The following CTNNBIP1 variants were observed in gnomAD, a reference collection of about 807,000 sequenced individuals.
CTNNBIP1 encodes catenin beta interacting protein 1, also known as beta-catenin-interacting protein 1.
A neutral mutation model predicts 11.8 loss-of-function variants in CTNNBIP1; 7 were observed. That is an observed-to-expected ratio of 0.60 (90% CI 0.34 to 1.12). The LOEUF (loss-of-function observed/expected upper bound fraction) is 1.12. Among genes scored for constraint, CTNNBIP1 ranks in the 50% most tolerant of loss-of-function variants. The pLI is 0.03. For synonymous variants in CTNNBIP1, 58 were observed against 43.9 expected, an observed-to-expected ratio of 1.32 and a Z score of -1.26; for missense variants, 101 against 113.4, an observed-to-expected ratio of 0.89 and a Z score of 0.50.
At chr1:9,877,172 A>C (rs1275590411) in intron 3 of CTNNBIP1, among the ~76,000 whole-genome samples, 2 of 152,228 alleles carry the variant, frequency 1.3e-5, no homozygotes, top group African/African-American at 4.8e-5. Flanking sequence ...GTAGTGCAAG[A>C]GGGACCTGGA....
intron 1 of CTNNBIP1, among the ~76,000 whole-genome samples, chr1:9,907,822 G>A (rs1030235905): frequency 6.6e-6 from 1 of 152,098 alleles, no homozygotes; most frequent in Non-Finnish European, 1.5e-5. Flanking sequence ...GATCCCTCAA[G>A]CCACCATCAT....
chr1:9,888,955 C>T (rs6660069), intron 1 of CTNNBIP1, among the ~76,000 whole-genome samples: 19,743 of 152,208 alleles, frequency 0.13, 4,228 homozygotes, highest in African/African-American at 0.45. Context: ...CAATGCTGCA[C>T]CCAGCTGAGC....
chr1:9,860,629 A>AG (rs1358682540), intron 5 of CTNNBIP1, among the ~76,000 whole-genome samples: 4 of 150,846 alleles, frequency 2.7e-5, no homozygotes, highest in African/African-American at 9.8e-5. Flanking sequence ...AAAAAAAAAA[A>AG]AAAAAAGAAA....
At chr1:9,888,560 A>C (rs542460463) in intron 1 of CTNNBIP1, among the ~76,000 whole-genome samples, 2 of 152,256 alleles carry the variant, frequency 1.3e-5, no homozygotes, top group South Asian at 4.1e-4. Context: ...AAAAAAAAAA[A>C]AAATTAAGAA....
intron 2 of CTNNBIP1, among the ~76,000 whole-genome samples, chr1:9,879,807 C>T (rs148304217): frequency 2.0e-5 from 3 of 152,276 alleles, no homozygotes; most frequent in Middle Eastern, 3.4e-3. Flanking sequence ...CAGACCCTTC[C>T]AAGAAGCAGA....
chr1:9,870,091 C>T (rs550501272), intron 5 of CTNNBIP1, among the ~76,000 whole-genome samples: 2 of 152,348 alleles, frequency 1.3e-5, no homozygotes, highest in East Asian at 3.9e-4. Context: ...TGCTTGGGAA[C>T]AGGCCCCTGT....
intron 1 of CTNNBIP1, among the ~76,000 whole-genome samples, chr1:9,897,038 A>G (rs1639422705): frequency 6.6e-6 from 1 of 152,032 alleles, no homozygotes; most frequent in Non-Finnish European, 1.5e-5. Context: ...GCTACTCAGG[A>G]GGCTGAGGCA....
chr1:9,871,016 A>G lies in CTNNBIP1; in HGVS notation c.187+171T>C, dbSNP rs1439622633. On this transcript the variant is annotated intron_variant, in intron 5 of 5. Transcript: ENST00000377263. This position sits in a 1 kb window ranked among gnomAD's most constrained non-coding sequence, Gnocchi z 5.2. ...GATGGGATCAGGTGGGAGGCTCCGA[A>G]GGTTTCCTGGCTCAGCTCTGTGGGT... 2.0e-5 allele frequency among the ~76,000 whole-genome samples: 3 copies of G among 152,154 alleles called. No homozygotes were observed. Among genetic ancestry groups the G allele is most frequent in the South Asian group, 4.1e-4 (2 of 4,828 alleles).
In CTNNBIP1 at chr1:9,871,382, C is replaced by A. The variant is rs1638858070; in HGVS notation, c.97-105G>T. On this transcript the variant is annotated intron_variant, in intron 4 of 5. Coordinates refer to ENST00000377263, the MANE Select transcript of CTNNBIP1 (RefSeq NM_020248.3). The surrounding 1 kb of genome is among the most constrained non-coding windows in gnomAD (Gnocchi z 5.2). ...TAGGCCTGCTTGGTCCCTGCTTGGT[C>A]CCTGCTCGGGCTTCTGTTTCTGAGA... The A allele has an allele frequency of 1.2e-6, 1 of 831,626 alleles. No individual in the cohort carries two copies. The highest frequency in any genetic ancestry group is 2.0e-6 in the Non-Finnish European group (1 of 511,454). The allele number at this position is 831,626 out of a possible 1,614,324, so 51.5% of individuals were successfully genotyped here. A position where few individuals can be genotyped will look rare whatever the true frequency, so the allele number is the denominator to read the frequency against.
chr1:9,854,090 C>A (rs1235736509), intron 5 of CTNNBIP1, among the ~76,000 whole-genome samples: 3 of 152,124 alleles, frequency 2.0e-5, no homozygotes, highest in Non-Finnish European at 4.4e-5. Context: ...AACCACTCAA[C>A]AAGGCCAGGT....
rs1162327574 is a variant in CTNNBIP1, at chr1:9,865,585, CAG to C, written c.187+5600_187+5601del. 2.0e-5 allele frequency among the ~76,000 whole-genome samples: 3 copies of C among 152,040 alleles called. No homozygotes were observed. The East Asian group carries it at 5.8e-4, about 29-fold the overall frequency. On this transcript the variant is annotated intron_variant, in intron 5 of 5. Transcript: ENST00000377263. ...CACCATTGCACTCCAGCCTGGGTGACAGAGCGAGACTCTGTCTCAAAAAACAA... is the reference window on the plus strand; with the variant it reads ...CACCATTGCACTCCAGCCTGGGTGACAGCGAGACTCTGTCTCAAAAAACAA...
chr1:9,853,875 T>C (rs1011994902), intron 5 of CTNNBIP1, among the ~76,000 whole-genome samples: 2 of 150,764 alleles, frequency 1.3e-5, no homozygotes, highest in African/African-American at 5.0e-5. Context: ...CACATGAATA[T>C]AGATGCAAAC....
In CTNNBIP1 at chr1:9,850,702, T is replaced by C; in HGVS notation, c.*16A>G. ...TGGCCCTCAACAGCATCCAGGGTGTTCCAAGGGCTTTGCAGCTACTGCCTC... is the reference window on the plus strand; with the variant it reads ...TGGCCCTCAACAGCATCCAGGGTGTCCCAAGGGCTTTGCAGCTACTGCCTC... On this transcript the variant is annotated 3_prime_UTR_variant, in exon 6 of 6. Transcript: ENST00000377263. The C allele has an allele frequency of 6.2e-7, 1 of 1,613,326 alleles. No homozygotes were observed. The highest frequency in any genetic ancestry group is 1.1e-5 in the South Asian group (1 of 91,070).
rs1284109059 is a variant in CTNNBIP1 at position 9,894,903 on chromosome 1, C to T, written c.-143-11165G>A. ...TCACAAGTGTGACTGCCATGCCTGGCTATTTTTTTTTTTTTTTTTTTTGAG... is the reference window on the plus strand; with the variant it reads ...TCACAAGTGTGACTGCCATGCCTGGTTATTTTTTTTTTTTTTTTTTTTGAG... On this transcript the variant is annotated intron_variant, in intron 1 of 5. Coordinates refer to ENST00000377263, the MANE Select transcript of CTNNBIP1 (RefSeq NM_020248.3). Among the ~76,000 whole-genome samples the T allele has an allele frequency of 5.5e-5, 6 of 109,472 alleles. No homozygotes were observed. The South Asian group carries it at 1.9e-3, about 34-fold the overall frequency. The allele number at this position is 109,472 out of a possible 152,430, so 71.8% of individuals were successfully genotyped here.
chr1:9,895,152 C>T (rs1172922362), intron 1 of CTNNBIP1, among the ~76,000 whole-genome samples: 4 of 151,930 alleles, frequency 2.6e-5, no homozygotes, highest in Admixed American at 6.6e-5. Flanking sequence ...CATGATACGC[C>T]CGCCTCGGCC....
intron 1 of CTNNBIP1, among the ~76,000 whole-genome samples, chr1:9,886,327 G>A (rs1381774003): frequency 6.6e-6 from 1 of 152,224 alleles, no homozygotes; most frequent in Non-Finnish European, 1.5e-5. Flanking sequence ...TGCAGAAGCT[G>A]AGAGGCATTC....
intron 1 of CTNNBIP1, among the ~76,000 whole-genome samples, chr1:9,908,661 C>T (rs1338856955): frequency 2.6e-5 from 4 of 152,214 alleles, no homozygotes; most frequent in Non-Finnish European, 5.9e-5. Flanking sequence ...CGCGCCCGGC[C>T]ACAGATTCTT....
chr1:9,875,519 TCA>T (rs931407765), intron 3 of CTNNBIP1, among the ~76,000 whole-genome samples: 3 of 152,192 alleles, frequency 2.0e-5, no homozygotes, highest in Non-Finnish European at 4.4e-5. Flanking sequence ...CGGGGACACC[TCA>T]CACTGGGATT....
chr1:9,881,582 G>A (rs558536175), intron 2 of CTNNBIP1, among the ~76,000 whole-genome samples: 2 of 151,538 alleles, frequency 1.3e-5, no homozygotes, highest in South Asian at 2.1e-4. Context: ...CAGGTGATCC[G>A]CCCGCCTCAG....
Sources: gnomAD v4.1 joint callset for allele counts (sites outside exome capture counted in the v4.1 genomes callset) on GRCh38, gnomAD v4.1.1 for gene constraint, Gnocchi (gnomAD v3.1) non-coding constraint, MANE v1.5 for transcripts, NCBI Gene and HGNC (gene_info 2026-07-23, HGNC 2026-07-21) for gene names.